Variants in ZNRF3 observed in about 807,000 individuals in gnomAD.
The protein encoded by ZNRF3 is zinc and ring finger 3.
In ZNRF3, 23 loss-of-function variants were observed where a neutral mutation model predicts 72.5. The observed-to-expected ratio is 0.32, with a 90% CI of 0.23 to 0.45. The LOEUF (loss-of-function observed/expected upper bound fraction) is 0.45. ZNRF3 is among the 20% of genes least tolerant of loss of function. The probability of loss-of-function intolerance (pLI) is 1.00; values close to 1 mark genes in which losing one functional copy is unlikely to be tolerated. For synonymous variants in ZNRF3, 610 were observed against 545.3 expected, an observed-to-expected ratio of 1.12 and a Z score of -1.65; for missense variants, 1,169 against 1,272.1, an observed-to-expected ratio of 0.92 and a Z score of 1.23.
chr22:29,052,708 A>AT (rs980522772), intron 8 of ZNRF3, among the ~76,000 whole-genome samples: 3 of 144,996 alleles, frequency 2.1e-5, no homozygotes, highest in African/African-American at 7.7e-5. Flanking sequence ...AAAAAAAAAA[A>AT]GTTAACTCCT....
chr22:29,021,039 G>A (rs975709510), intron 2 of ZNRF3, among the ~76,000 whole-genome samples: 3 of 151,788 alleles, frequency 2.0e-5, no homozygotes, highest in African/African-American at 7.3e-5. Context: ...CTTGTGATCC[G>A]CCCACCTCGG....
At chr22:28,946,718 G>C (rs1200874438) in intron 1 of ZNRF3, among the ~76,000 whole-genome samples, 1 of 152,216 alleles carries the variant, frequency 6.6e-6, no homozygotes. Context: ...GTTTGTCTAG[G>C]AGCATCAGAG....
chr22:28,925,583 G>A (rs1170011921), intron 1 of ZNRF3, among the ~76,000 whole-genome samples: 2 of 152,094 alleles, frequency 1.3e-5, no homozygotes, highest in Non-Finnish European at 2.9e-5. Context: ...TGAATTTCAA[G>A]CATGCAGGAA....
chr22:29,018,290 A>G, intron 2 of ZNRF3: 1 of 247,806 alleles, frequency 4.0e-6, no homozygotes, highest in Non-Finnish European at 8.3e-6. Context: ...ATGATTCTTT[A>G]TGGAGATTGG....
chr22:29,028,531 A>G (rs1282050094), intron 2 of ZNRF3, among the ~76,000 whole-genome samples: 1 of 152,196 alleles, frequency 6.6e-6, no homozygotes, highest in African/African-American at 2.4e-5. Flanking sequence ...ATTCACATTG[A>G]TATATGTGTA....
At chr22:29,025,687 A>AT (rs1055063392) in intron 2 of ZNRF3, 11 of 151,748 alleles carry the variant, frequency 7.2e-5, no homozygotes, top group African/African-American at 2.7e-4. Flanking sequence ...TGCCCGGCTA[A>AT]TTTTTTGTAT....
At chr22:28,934,710 C>G (rs751356318) in intron 1 of ZNRF3, among the ~76,000 whole-genome samples, 1 of 151,330 alleles carries the variant, frequency 6.6e-6, no homozygotes, top group Non-Finnish European at 1.5e-5. Context: ...CTGAGCTACT[C>G]CAGAGGCTGA....
chr22:29,020,283 CAG>C (rs1347409857), intron 2 of ZNRF3, among the ~76,000 whole-genome samples: 1 of 101,194 alleles, frequency 9.9e-6, no homozygotes, highest in African/African-American at 3.9e-5. Context: ...TCCCCCAAGA[CAG>C]AGTTTTGCTT....
chr22:29,041,899 A>G (rs564471386), intron 2 of ZNRF3, among the ~76,000 whole-genome samples: 1 of 152,324 alleles, frequency 6.6e-6, no homozygotes, highest in South Asian at 2.1e-4. Flanking sequence ...GAGATGGACC[A>G]AAGGCACTTG....
At chr22:29,035,147 T>G (rs1214952468) in intron 2 of ZNRF3, among the ~76,000 whole-genome samples, 1 of 152,030 alleles carries the variant, frequency 6.6e-6, no homozygotes, top group East Asian at 1.9e-4. Context: ...CTCAGCCATG[T>G]TAGGCTTTAT....
rs991263268 is a variant in ZNRF3, at chr22:29,050,147, G to A, written c.1966G>A (p.Asp656Asn). Residue 656 changes from aspartate (D) to asparagine (N), a missense_variant, in exon 8 of 9, where the codon GAT becomes AAT. By Grantham distance (23) the Asp-to-Asn change is conservative. Coordinates refer to ENST00000544604, the MANE Select transcript of ZNRF3 (RefSeq NM_001206998.2). ...PWPGPASPSGDQVSTCSLEMN... is the reference protein window; with the variant it reads ...PWPGPASPSGNQVSTCSLEMN... ...GCCGGGCCCTGCCTCTCCCTCGGGG[G>A]ATCAGGTGTCCACCTGCAGCCTGGA... is the stretch of plus-strand genomic sequence containing the variant. The A allele has an allele frequency of 6.2e-6, 10 of 1,604,828 alleles. No homozygotes were observed. In the East Asian group the frequency reaches 1.6e-4, roughly 25 times the overall value.
intron 1 of ZNRF3, among the ~76,000 whole-genome samples, chr22:28,893,395 A>G (rs77331081): frequency 6.6e-6 from 1 of 152,170 alleles, no homozygotes; most frequent in African/African-American, 2.4e-5. Context: ...GTGCTTTTCA[A>G]ATGTTATTTT....
chr22:28,942,388 A>G (rs1039156557), intron 1 of ZNRF3, among the ~76,000 whole-genome samples: 4 of 152,224 alleles, frequency 2.6e-5, no homozygotes, highest in African/African-American at 9.6e-5. Context: ...TAGCACATCA[A>G]GCCTTGGTAG....
Position 29,030,528 on chromosome 22 carries a change from C to G in ZNRF3, c.427-11967C>G, listed in dbSNP as rs1011312296. On this transcript the variant is annotated intron_variant, in intron 2 of 8. Transcript: ENST00000544604. This position sits in a 1 kb window ranked among gnomAD's most constrained non-coding sequence, Gnocchi z 4.2. ...GACTTAAAATGCATCATCTTCGTTC[C>G]GGAACTCAGAACCTGCAGCCGACGG... is the stretch of plus-strand genomic sequence containing the variant. Among the ~76,000 whole-genome samples the G allele has an allele frequency of 6.6e-6, 1 of 152,186 alleles. No individual in the cohort carries two copies. The highest frequency in any genetic ancestry group is 1.5e-5 in the Non-Finnish European group (1 of 68,038).
chr22:28,921,478 G>A (rs1205098094), intron 1 of ZNRF3, among the ~76,000 whole-genome samples: 1 of 152,150 alleles, frequency 6.6e-6, no homozygotes, highest in Non-Finnish European at 1.5e-5. Flanking sequence ...GCCTTTATTT[G>A]CATCTTTGCC....
intron 2 of ZNRF3, among the ~76,000 whole-genome samples, chr22:28,992,201 C>T (rs1023155878): frequency 6.8e-6 from 1 of 146,562 alleles, no homozygotes; most frequent in Non-Finnish European, 1.5e-5. Flanking sequence ...CACCACCCCC[C>T]ACCCCCCGGA....
chr22:29,020,682 GC>G (rs1163855814), intron 2 of ZNRF3, among the ~76,000 whole-genome samples: 1 of 151,998 alleles, frequency 6.6e-6, no homozygotes, highest in African/African-American at 2.4e-5. Flanking sequence ...GGGTCTGCCT[GC>G]CTCCCAGAGT....
chr22:29,043,555 C>A, intron 4 of ZNRF3, 125 bp downstream of exon 4: 1 of 1,205,452 alleles, frequency 8.3e-7, no homozygotes, highest in Non-Finnish European at 1.1e-6. Context: ...TTCCTGCAGG[C>A]TTAGATCAGC....
chr22:29,047,073 T>G (rs991993081), intron 6 of ZNRF3, among the ~76,000 whole-genome samples, 190 bp downstream of exon 6: 1 of 152,204 alleles, frequency 6.6e-6, no homozygotes, highest in Admixed American at 6.5e-5. Flanking sequence ...ACAAGGGATT[T>G]TATATCCCTC....
Sources: gnomAD v4.1 joint callset for allele counts (sites outside exome capture counted in the v4.1 genomes callset) on GRCh38, gnomAD v4.1.1 for gene constraint, Gnocchi (gnomAD v3.1) non-coding constraint, MANE v1.5 for transcripts, NCBI Gene and HGNC (gene_info 2026-07-23, HGNC 2026-07-21) for gene names.